CAMTA1: variants seen among roughly 807,000 people sequenced by gnomAD.
CAMTA1 encodes calmodulin binding transcription activator 1.
CAMTA1 carries 27 observed loss-of-function variants against 170.9 expected under a neutral mutation model. The observed-to-expected ratio is 0.16, with a 90% confidence interval of 0.12 to 0.22. CAMTA1 has a LOEUF of 0.22. CAMTA1 is among the 10% of genes least tolerant of loss of function. The probability of loss-of-function intolerance (pLI) is 1.00; values close to 1 mark genes in which losing one functional copy is unlikely to be tolerated. For synonymous variants in CAMTA1, 833 were observed against 891.5 expected (o/e 0.93, Z 1.17); for missense variants, 1,619 against 2,217.2 (o/e 0.73, Z 5.42).
intron 3 of CAMTA1, among the ~76,000 whole-genome samples, 156 bp downstream of exon 3, chr1:6,825,366 C>T (rs1369045000): frequency 6.6e-6 from 1 of 151,998 alleles, no homozygotes; most frequent in African/African-American, 2.4e-5. Context: ...AGAAACCAAC[C>T]AACATGTTTT....
chr1:7,076,841 G>A (rs1639361761), intron 3 of CAMTA1, among the ~76,000 whole-genome samples: 1 of 152,230 alleles, frequency 6.6e-6, no homozygotes, highest in East Asian at 1.9e-4. Flanking sequence ...TTCAAAGCAG[G>A]GTAGAACAAT....
At position 7,300,134 on chromosome 1, in the gene CAMTA1, C is replaced by T. The variant is rs1327985755; in HGVS notation, c.438+50508C>T. 6.6e-6 allele frequency among the ~76,000 whole-genome samples: 1 copy of T among 152,174 alleles called. No homozygotes were observed. Among genetic ancestry groups the T allele is most frequent in the East Asian group, 1.9e-4 (1 of 5,196 alleles). On this transcript the variant is annotated intron_variant, in intron 5 of 22. Coordinates refer to ENST00000303635, the MANE Select transcript of CAMTA1 (RefSeq NM_015215.4). The surrounding 1 kb of genome is among the most constrained non-coding windows in gnomAD (Gnocchi z 4.1). ...AGCATTCTTAAAAAAAAATTCCCTTCGCAATAAAGCACCAGATTGAATGTC... is the reference window on the plus strand; with the variant it reads ...AGCATTCTTAAAAAAAAATTCCCTTTGCAATAAAGCACCAGATTGAATGTC...
rs551769035 is a variant in CAMTA1 at position 6,805,117 on chromosome 1, T to A, written c.46-15064T>A. ...AACTGTTTTCCAAACTTTTCCAAAGTGGTTAGATCATATTACATTCCCACC... is the reference window on the plus strand; with the variant it reads ...AACTGTTTTCCAAACTTTTCCAAAGAGGTTAGATCATATTACATTCCCACC... On this transcript the variant is annotated intron_variant, in intron 1 of 22. Coordinates refer to ENST00000303635, the MANE Select transcript of CAMTA1 (RefSeq NM_015215.4). Among the ~76,000 whole-genome samples, 78 of 152,328 alleles carry A rather than the reference T, an allele frequency of 5.1e-4. 1 individual carries two copies. In the South Asian group the frequency reaches 0.015, roughly 29 times the overall value.
At chr1:6,904,128 C>G (rs954126342) in intron 3 of CAMTA1, among the ~76,000 whole-genome samples, 1 of 152,164 alleles carries the variant, frequency 6.6e-6, no homozygotes, top group African/African-American at 2.4e-5. Context: ...ATTTCCCTTC[C>G]CATTCTTTCC....
chr1:7,604,913 C>T (rs550924642), intron 6 of CAMTA1, among the ~76,000 whole-genome samples: 1 of 152,376 alleles, frequency 6.6e-6, no homozygotes, highest in African/African-American at 2.4e-5. Context: ...GGACCCTCAG[C>T]TGCAGGTCTG....
At chr1:7,512,733 C>G (rs2094219203) in intron 6 of CAMTA1, among the ~76,000 whole-genome samples, 1 of 152,212 alleles carries the variant, frequency 6.6e-6, no homozygotes. Flanking sequence ...GGAAGCAATA[C>G]TAGCTGCTGA....
At chr1:6,804,513 C>T (rs1014092814) in intron 1 of CAMTA1, among the ~76,000 whole-genome samples, 2 of 152,108 alleles carry the variant, frequency 1.3e-5, no homozygotes, top group African/African-American at 4.8e-5. Context: ...GTTGCCTCCT[C>T]CTCCCGGCCC....
At chr1:7,246,310 G>T (rs571093763) in intron 4 of CAMTA1, among the ~76,000 whole-genome samples, 1 of 152,328 alleles carries the variant, frequency 6.6e-6, no homozygotes, top group Admixed American at 6.5e-5. Flanking sequence ...TCATAGTTAA[G>T]GGTTATAGGT....
chr1:7,640,918 C>T (rs1248058691), intron 7 of CAMTA1, among the ~76,000 whole-genome samples: 4 of 152,076 alleles, frequency 2.6e-5, no homozygotes, highest in South Asian at 2.1e-4. Flanking sequence ...GGAGGGGTGG[C>T]GGGAGCGGAC....
At chr1:6,885,351 A>AGT (rs984399811) in intron 3 of CAMTA1, among the ~76,000 whole-genome samples, 3 of 152,164 alleles carry the variant, frequency 2.0e-5, no homozygotes, top group African/African-American at 7.2e-5. Context: ...AGTGAAGGTC[A>AGT]GTGTGTGTGT....
intron 11 of CAMTA1, among the ~76,000 whole-genome samples, chr1:7,712,165 T>C (rs557430900): frequency 9.2e-5 from 14 of 152,292 alleles, no homozygotes; most frequent in African/African-American, 3.4e-4. Flanking sequence ...CTTTGGTAAA[T>C]GGAAACAGTT....
At chr1:7,757,858 A>G (rs1375590131) in intron 22 of CAMTA1, among the ~76,000 whole-genome samples, 4 of 152,222 alleles carry the variant, frequency 2.6e-5, no homozygotes, top group Non-Finnish European at 5.9e-5. Context: ...AAAAGCAGCT[A>G]TACTCTTACG....
intron 3 of CAMTA1, among the ~76,000 whole-genome samples, chr1:7,070,465 G>A (rs1638489889): frequency 6.6e-6 from 1 of 152,088 alleles, no homozygotes; most frequent in African/African-American, 2.4e-5. Flanking sequence ...TTGTCTTCCC[G>A]CAGCGATAGA....
chr1:7,498,756 G>GT (rs2093891339), intron 6 of CAMTA1, among the ~76,000 whole-genome samples: 3 of 136,380 alleles, frequency 2.2e-5, no homozygotes, highest in Admixed American at 2.2e-4. Flanking sequence ...GTGTGCAGAG[G>GT]ATTGTGTGAG....
At chr1:6,787,931 T>C (rs1313753235) in intron 1 of CAMTA1, among the ~76,000 whole-genome samples, 2 of 152,106 alleles carry the variant, frequency 1.3e-5, no homozygotes, top group Non-Finnish European at 2.9e-5. Context: ...GAGAAGAATA[T>C]GTTTTCCTGT....
At chr1:6,873,745 C>A (rs1669048022) in intron 3 of CAMTA1, among the ~76,000 whole-genome samples, 1 of 152,220 alleles carries the variant, frequency 6.6e-6, no homozygotes, top group Admixed American at 6.5e-5. Context: ...AGAGCTAGTA[C>A]ATGGACACAT....
chr1:7,446,227 T>A (rs1575376253), intron 5 of CAMTA1, among the ~76,000 whole-genome samples: 2 of 147,966 alleles, frequency 1.4e-5, no homozygotes, highest in South Asian at 4.4e-4. Context: ...CTAGAGGAAG[T>A]GAAAATGTAA....
intron 3 of CAMTA1, among the ~76,000 whole-genome samples, chr1:6,932,624 G>A (rs1684603134): frequency 6.6e-6 from 1 of 152,190 alleles, no homozygotes; most frequent in African/African-American, 2.4e-5. Flanking sequence ...GGGTATGAGA[G>A]TTCCAGTTTC....
Position 7,216,634 on chromosome 1 carries a change from C to A in CAMTA1, c.303-32857C>A, listed in dbSNP as rs557818747. ...CAAGCAATCCTTGTGCCTCAGCCTC[C>A]CGAATGGCTGAGACTACAGGCAGGT... On this transcript the variant is annotated intron_variant, in intron 4 of 22. Transcript: ENST00000303635. The surrounding 1 kb of genome is among the most constrained non-coding windows in gnomAD (Gnocchi z 4.0). 2.0e-5 allele frequency among the ~76,000 whole-genome samples: 3 copies of A among 152,236 alleles called. No homozygotes were observed. In the South Asian group the frequency reaches 6.2e-4, roughly 32 times the overall value.
Sources: gnomAD v4.1 joint callset for allele counts (sites outside exome capture counted in the v4.1 genomes callset) on GRCh38, gnomAD v4.1.1 for gene constraint, Gnocchi (gnomAD v3.1) non-coding constraint, MANE v1.5 for transcripts, NCBI Gene and HGNC (gene_info 2026-07-23, HGNC 2026-07-21) for gene names.